EMP1: variants seen among roughly 807,000 people sequenced by gnomAD.
EMP1 encodes the protein tumor-associated membrane protein.
A neutral mutation model predicts 15.7 loss-of-function variants in EMP1; 5 were observed. The ratio of observed to expected loss-of-function variants is 0.32; its 90% CI spans 0.17 to 0.67. EMP1 has a LOEUF of 0.67. Among genes scored for constraint, EMP1 ranks in the 30% least tolerant of loss-of-function variants. EMP1 has a pLI of 0.74. For synonymous variants in EMP1, 78 were observed against 76.7 expected, an observed-to-expected ratio of 1.02 and a Z score of -0.09; for missense variants, 166 against 194.2, an observed-to-expected ratio of 0.85 and a Z score of 0.86.
intron 1 of EMP1, among the ~76,000 whole-genome samples, chr12:13,206,927 T>TTGTGTG (rs58176335): frequency 6.7e-6 from 1 of 149,050 alleles, no homozygotes; most frequent in African/African-American, 2.5e-5. Flanking sequence ...ATTCTTTCAT[T>TTGTGTG]TGTGTGTGTG....
At position 13,216,424 on chromosome 12, in the gene EMP1, C is replaced by T. The variant is rs1864215970; in HGVS notation, c.*1733C>T. On this transcript the variant is annotated 3_prime_UTR_variant, in exon 5 of 5. Transcript: ENST00000256951. ...CCTAGGCTGAGGTTAGAGAGATTGG[C>T]CAGCAAAAACTGTGGGAAGATGAAC... 1 of 702,310 alleles carries T rather than the reference C, an allele frequency of 1.4e-6. No individual in the cohort carries two copies. Among genetic ancestry groups the T allele is most frequent in the Non-Finnish European group, 2.6e-6 (1 of 384,696 alleles). 43.5% of individuals were successfully genotyped at this position (702,310 alleles called of 1,614,324 possible). A position where few individuals can be genotyped will look rare whatever the true frequency, so the allele number is the denominator to read the frequency against.
At chr12:13,197,480 T>C (rs765753831) in intron 1 of EMP1, among the ~76,000 whole-genome samples, 1 of 152,136 alleles carries the variant, frequency 6.6e-6, no homozygotes, top group Non-Finnish European at 1.5e-5. Context: ...TTGGTTTGTT[T>C]AAAGAAAACT....
intron 1 of EMP1, among the ~76,000 whole-genome samples, chr12:13,204,759 C>A (rs1864096981): frequency 6.6e-6 from 1 of 152,108 alleles, no homozygotes; most frequent in Non-Finnish European, 1.5e-5. Flanking sequence ...AAAGCTTTCT[C>A]CAAAGTTTAC....
intron 1 of EMP1, among the ~76,000 whole-genome samples, chr12:13,203,592 C>T (rs1313552152): frequency 3.3e-5 from 5 of 152,248 alleles, no homozygotes; most frequent in East Asian, 1.9e-4. Flanking sequence ...CCCATTTCCC[C>T]GGCCCGAGCC....
At chr12:13,199,340 G>C (rs1864043022) in intron 1 of EMP1, 1 of 152,342 alleles carries the variant, frequency 6.6e-6, no homozygotes, top group South Asian at 2.1e-4. Context: ...CCCTCACCCG[G>C]GAATGTAGAC....
rs1406937537 is a variant in EMP1, at chr12:13,215,643, T to C, written c.*952T>C. Reference sequence around the variant, plus strand: ...GCTCATTGTAGCACAATCCTATTACTCTTCCTCTAACATTTTTGAGGAAGT... The same window carrying C: ...GCTCATTGTAGCACAATCCTATTACCCTTCCTCTAACATTTTTGAGGAAGT... On this transcript the variant is annotated 3_prime_UTR_variant, in exon 5 of 5. Coordinates refer to ENST00000256951, the MANE Select transcript of EMP1 (RefSeq NM_001423.3). 1 of 152,336 alleles carries C rather than the reference T, an allele frequency of 6.6e-6. No individual in the cohort carries two copies. Among genetic ancestry groups the C allele is most frequent in the African/African-American group, 2.4e-5 (1 of 41,452 alleles). The allele number at this position is 152,336 out of a possible 1,614,324, so 9.4% of individuals were successfully genotyped here.
chr12:13,215,386 C>G lies in EMP1; in HGVS notation c.*695C>G, dbSNP rs898729847. ...CGAGACCTCACACACGGCTGTCCCT[C>G]ATGGAGACCTCATGCCATGGTCTTT... On this transcript the variant is annotated 3_prime_UTR_variant, in exon 5 of 5. Transcript: ENST00000256951. The G allele has an allele frequency of 5.9e-5, 9 of 152,384 alleles. No individual in the cohort carries two copies. The highest frequency in any genetic ancestry group is 2.2e-4 in the African/African-American group (9 of 41,458). 9.4% of individuals were successfully genotyped at this position (152,384 alleles called of 1,614,324 possible).
rs1232900960 is a variant in EMP1, at chr12:13,213,495, A to G, written c.95A>G (p.Asn32Ser). 4 of 1,614,110 alleles carry G rather than the reference A, an allele frequency of 2.5e-6. No homozygotes were observed. The highest frequency in any genetic ancestry group is 1.3e-5 in the African/African-American group (1 of 74,934). ...STIANVWLVS[N>S]TVDASVGLWK... is the part of the protein sequence containing the mutation. The stretch of plus-strand genomic sequence containing the variant: ...TGGTTTCAGGTCTGGTTGGTTTCCA[A>G]TACGGTAGATGCATCAGTAGGTCTT... The change falls in exon 3 of 5, where the codon AAT (asparagine) becomes AGT (serine). Residue 32 changes from asparagine (N) to serine (S), a missense_variant. By Grantham distance (46) the Asn-to-Ser change is conservative (BLOSUM62 1). Coordinates refer to ENST00000256951, the MANE Select transcript of EMP1 (RefSeq NM_001423.3).
chr12:13,210,742 C>T (rs535827680), intron 1 of EMP1, among the ~76,000 whole-genome samples: 3 of 152,352 alleles, frequency 2.0e-5, no homozygotes, highest in Admixed American at 2.0e-4. Context: ...TCTGCCCAGA[C>T]CAATGGCAGG....
chr12:13,204,420 C>T (rs1864092361), intron 1 of EMP1, among the ~76,000 whole-genome samples: 1 of 152,204 alleles, frequency 6.6e-6, no homozygotes, highest in Non-Finnish European at 1.5e-5. Context: ...TCTCCGGCTG[C>T]CCCCAGAAGG....
chr12:13,199,618 G>C (rs1046882721), intron 1 of EMP1: 1 of 152,110 alleles, frequency 6.6e-6, no homozygotes, highest in African/African-American at 2.4e-5. Context: ...TTCTCCTACT[G>C]TATGCAGAAA....
Position 13,209,494 on chromosome 12 carries a change from A to T in EMP1, c.-42-1975A>T, listed in dbSNP as rs1186214425. ...TTAACATGGGGCAGCCTAGCGATTG[A>T]GTAACTGGGTTGGGTTGGCAACAGC... On this transcript the variant is annotated intron_variant, in intron 1 of 4. Transcript: ENST00000256951. The T allele has an allele frequency of 2.0e-5, 3 of 152,222 alleles. No individual in the cohort carries two copies. In the East Asian group the frequency reaches 5.8e-4, roughly 29 times the overall value. The allele number at this position is 152,222 out of a possible 1,614,324, so 9.4% of individuals were successfully genotyped here. A position where few individuals can be genotyped will look rare whatever the true frequency, so the allele number is the denominator to read the frequency against.
intron 1 of EMP1, among the ~76,000 whole-genome samples, chr12:13,204,980 G>GT (rs138595879): frequency 8.1e-4 from 124 of 152,280 alleles, no homozygotes; most frequent in African/African-American, 2.8e-3. Flanking sequence ...GTCTAGTCAG[G>GT]TAATCTCACC....
At chr12:13,202,392 C>T (rs374330140) in intron 1 of EMP1, among the ~76,000 whole-genome samples, 11 of 152,144 alleles carry the variant, frequency 7.2e-5, no homozygotes, top group South Asian at 4.1e-4. Context: ...GAGAGCAAAA[C>T]GGGGTTCTTG....
chr12:13,213,931 C>T (rs759510100), intron 4 of EMP1, 110 bp downstream of exon 4: 50 of 1,454,590 alleles, frequency 3.4e-5, no homozygotes, highest in Non-Finnish European at 3.8e-5. Context: ...CTTCCTTGTG[C>T]AATTTTCTCC....
chr12:13,204,649 G>C (rs1864095305), intron 1 of EMP1, among the ~76,000 whole-genome samples: 1 of 152,214 alleles, frequency 6.6e-6, no homozygotes, highest in Admixed American at 6.5e-5. Context: ...GTGGTGTGGG[G>C]TCGTCTGACT....
chr12:13,213,080 A>G (rs1470034982), intron 2 of EMP1, among the ~76,000 whole-genome samples: 1 of 152,240 alleles, frequency 6.6e-6, no homozygotes, highest in Non-Finnish European at 1.5e-5. Context: ...CTGGTTAACC[A>G]GGGACTTAAA....
intron 1 of EMP1, among the ~76,000 whole-genome samples, chr12:13,200,337 T>C (rs1171169624): frequency 6.6e-6 from 1 of 152,140 alleles, no homozygotes; most frequent in Non-Finnish European, 1.5e-5. Context: ...CCACCCATCA[T>C]AGTAATTACG....
In EMP1 at chr12:13,216,530, C is replaced by T. The variant is rs1335500538; in HGVS notation, c.*1839C>T. The T allele has an allele frequency of 7.2e-6, 5 of 693,180 alleles. No homozygotes were observed. In the East Asian group the frequency reaches 1.3e-4, roughly 19 times the overall value. 42.9% of individuals were successfully genotyped at this position (693,180 alleles called of 1,614,324 possible). ...AACATACTTACATTTCAGACATATC[C>T]AAAGGGAATACTCACATTTTGTTAA... On this transcript the variant is annotated 3_prime_UTR_variant, in exon 5 of 5. Coordinates refer to ENST00000256951, the MANE Select transcript of EMP1 (RefSeq NM_001423.3).
Sources: gnomAD v4.1 joint callset for allele counts (sites outside exome capture counted in the v4.1 genomes callset) on GRCh38, gnomAD v4.1.1 for gene constraint, MANE v1.5 for transcripts, NCBI Gene and HGNC (gene_info 2026-07-23, HGNC 2026-07-21) for gene names.